The following PRKDC variants were observed in gnomAD, a reference collection of about 807,000 sequenced individuals.
The protein encoded by PRKDC is DNA-dependent protein kinase catalytic subunit.
Under a neutral mutation model 486.9 loss-of-function variants are expected in PRKDC, and 82 were observed. That is an observed-to-expected ratio of 0.17 (90% CI 0.14 to 0.20). PRKDC has a LOEUF of 0.20. PRKDC is among the 10% of genes least tolerant of loss of function. The probability of loss-of-function intolerance (pLI) is 1.00; values close to 1 mark genes in which losing one functional copy is unlikely to be tolerated. For missense variants in PRKDC, 4,504 were observed against 5,038.2 expected (o/e 0.89, Z 3.21); for synonymous variants, 1,895 against 1,837.0 (o/e 1.03, Z -0.81).
chr8:47,944,353 A>G (rs1589811210), intron 7 of PRKDC, among the ~76,000 whole-genome samples: 1 of 152,164 alleles, frequency 6.6e-6, no homozygotes, highest in African/African-American at 2.4e-5. Context: ...TCTTATTTGC[A>G]ATAGGGACCG....
Position 47,776,930 on chromosome 8 carries a change from A to T in PRKDC, c.12096T>A (p.Asn4032Lys). Reference protein sequence around the residue: ...KKGGSWIQEINVAEKNWYPRQ... With the variant: ...KKGGSWIQEIKVAEKNWYPRQ... Reference sequence around the variant, plus strand: ...GGGGGTACCAATTTTTTTCAGCAACATTTATTTCTTGAATCCATGACCCTC... The same window carrying T: ...GGGGGTACCAATTTTTTTCAGCAACTTTTATTTCTTGAATCCATGACCCTC... Residue 4032 changes from asparagine to lysine, a missense_variant, in exon 85 of 86, where the codon AAT becomes AAA. Asn to Lys is a moderately conservative substitution (Grantham distance 94). Transcript: ENST00000314191. The T allele has an allele frequency of 6.2e-7, 1 of 1,613,624 alleles. No homozygotes were observed. The highest frequency in any genetic ancestry group is 8.5e-7 in the Non-Finnish European group (1 of 1,179,804).
At chr8:47,902,861 G>T in intron 26 of PRKDC, 66 bp from the exon 27 acceptor site, 2 of 1,253,940 alleles carry the variant, frequency 1.6e-6, no homozygotes, top group South Asian at 3.4e-5. Flanking sequence ...GAATACCCTT[G>T]GTCTATCTCT....
intron 25 of PRKDC, among the ~76,000 whole-genome samples, chr8:47,911,792 A>T (rs2089908678): frequency 6.6e-6 from 1 of 151,430 alleles, no homozygotes; most frequent in African/African-American, 2.4e-5. Context: ...TTTTTTGAGA[A>T]TGAGTCTCAC....
At position 47,779,075 on chromosome 8, in the gene PRKDC, C is replaced by T. The variant is rs375417206; in HGVS notation, c.11508G>A (p.Pro3836=). The change falls in exon 81 of 86, where the codon CCG becomes CCA. Residue 3836 remains proline, a synonymous_variant. Transcript: ENST00000314191. Reference sequence around the variant, plus strand: ...TTGTCAGCCAATCTTTATATTCACACGGCGGTGCCCTGGGATCACTAATGA... The same window carrying T: ...TTGTCAGCCAATCTTTATATTCACATGGCGGTGCCCTGGGATCACTAATGA... ...AAYLSDPRAP[P]CEYKDWLTKM... is the part of the protein sequence containing the mutation. 79 of 1,596,236 alleles carry T rather than the reference C, an allele frequency of 4.9e-5. No homozygotes were observed. Among genetic ancestry groups the T allele is most frequent in the South Asian group, 6.8e-5 (6 of 87,758 alleles).
At chr8:47,895,491 A>G (rs2089557815) in intron 30 of PRKDC, among the ~76,000 whole-genome samples, 1 of 152,212 alleles carries the variant, frequency 6.6e-6, no homozygotes, top group African/African-American at 2.4e-5. Flanking sequence ...TGAGATCAGT[A>G]CAGCTGAGGT....
At chr8:47,802,431 C>T (rs2087126888) in intron 70 of PRKDC, among the ~76,000 whole-genome samples, 1 of 151,098 alleles carries the variant, frequency 6.6e-6, no homozygotes, top group African/African-American at 2.4e-5. Context: ...AGAAAGCTTT[C>T]TTCCTTTAAT....
Position 47,773,223 on chromosome 8 carries a change from A to G in PRKDC, c.*950T>C. Reference sequence around the variant, plus strand: ...AAAAAACAACAAAAAGCTAAAAGCCAATCAGAAACAGTTTGGGTGTGGAGG... The same window carrying G: ...AAAAAACAACAAAAAGCTAAAAGCCGATCAGAAACAGTTTGGGTGTGGAGG... On this transcript the variant is annotated 3_prime_UTR_variant, in exon 86 of 86. Transcript: ENST00000314191. The G allele has an allele frequency of 4.5e-6, 1 of 224,590 alleles. No individual in the cohort carries two copies. The highest frequency in any genetic ancestry group is 6.5e-5 in the East Asian group (1 of 15,324). 13.9% of individuals were successfully genotyped at this position (224,590 alleles called of 1,614,324 possible).
chr8:47,938,169 G>A (rs997711499), intron 11 of PRKDC, among the ~76,000 whole-genome samples: 11 of 152,048 alleles, frequency 7.2e-5, no homozygotes, highest in Non-Finnish European at 1.5e-4. Context: ...CACTTTGGGA[G>A]GCCAAGGTGG....
At chr8:47,850,304 C>T (rs1345610953) in intron 52 of PRKDC, among the ~76,000 whole-genome samples, 1 of 152,228 alleles carries the variant, frequency 6.6e-6, no homozygotes, top group Non-Finnish European at 1.5e-5. Flanking sequence ...AAACTCAACA[C>T]AGACTGAGCG....
intron 54 of PRKDC, among the ~76,000 whole-genome samples, chr8:47,840,981 T>C (rs1449489725): frequency 2.6e-5 from 4 of 152,142 alleles, no homozygotes; most frequent in African/African-American, 7.2e-5. Flanking sequence ...GCACTGAGCA[T>C]CAATAGAGAG....
At chr8:47,911,612 T>C (rs994999662) in intron 25 of PRKDC, among the ~76,000 whole-genome samples, 3 of 152,244 alleles carry the variant, frequency 2.0e-5, no homozygotes, top group African/African-American at 4.8e-5. Context: ...CATTTCATTT[T>C]CTTTTTTAAG....
rs1166280803 is a variant in PRKDC at position 47,943,309 on chromosome 8, T to C, written c.866A>G (p.Asn289Ser). 14 of 1,612,246 alleles carry C rather than the reference T, an allele frequency of 8.7e-6. No homozygotes were observed. The highest frequency in any genetic ancestry group is 1.1e-5 in the South Asian group (1 of 90,640). ...CAAGACTTCAAATAGAGACACGTAGTTGTCCAGAAGGCAGGTGCTAAACTG... is the reference window on the plus strand; with the variant it reads ...CAAGACTTCAAATAGAGACACGTAGCTGTCCAGAAGGCAGGTGCTAAACTG... The part of the protein sequence containing the change: ...ASQFSTCLLD[N>S]YVSLFEVLLK... Residue 289 changes from asparagine (N) to serine (S), a missense_variant, in exon 10 of 86, where the codon AAC (asparagine) becomes AGC (serine). Asn to Ser is a conservative substitution (Grantham distance 46). This residue lies in a region of PRKDC where 1,969 missense variants were observed against 2,068.9 expected (regional missense o/e 0.95). Coordinates refer to ENST00000314191, the MANE Select transcript of PRKDC (RefSeq NM_006904.7).
chr8:47,939,762 G>A (rs2090411856), intron 10 of PRKDC, 65 bp from the exon 11 acceptor site: 8 of 1,319,132 alleles, frequency 6.1e-6, no homozygotes, highest in Admixed American at 2.6e-5. Flanking sequence ...TACAAACATG[G>A]AAAAACTAGA....
At chr8:47,887,808 G>A (rs1300979923) in intron 34 of PRKDC, 103 bp from the exon 35 acceptor site, 2 of 1,187,058 alleles carry the variant, frequency 1.7e-6, no homozygotes, top group Non-Finnish European at 1.2e-6. Context: ...AGATAGCACT[G>A]ACAACTACCT....
chr8:47,889,463 G>A (rs1317996008), intron 32 of PRKDC, among the ~76,000 whole-genome samples: 2 of 152,220 alleles, frequency 1.3e-5, no homozygotes, highest in Non-Finnish European at 1.5e-5. Context: ...GCACAGCCAT[G>A]CTCCTATTTA....
intron 74 of PRKDC, among the ~76,000 whole-genome samples, chr8:47,793,683 TAAA>T (rs397892514): frequency 8.2e-5 from 6 of 72,806 alleles, no homozygotes; most frequent in Non-Finnish European, 1.2e-4. Flanking sequence ...TTAAAAAAAC[TAAA>T]AAAAAAAAAA....
intron 72 of PRKDC, 25 bp downstream of exon 72, chr8:47,799,185 A>G (rs1214034415): frequency 6.2e-7 from 1 of 1,613,116 alleles, no homozygotes; most frequent in Non-Finnish European, 8.5e-7. Flanking sequence ...ATAATGGAAC[A>G]CTAGCTTTTT....
chr8:47,774,062 G>A lies in PRKDC; in HGVS notation c.*111C>T, dbSNP rs1304100862. 9.0e-7 allele frequency: 1 copy of A among 1,116,320 alleles called. No homozygotes were observed. The highest frequency in any genetic ancestry group is 1.2e-6 in the Non-Finnish European group (1 of 803,310). 69.2% of individuals were successfully genotyped at this position (1,116,320 alleles called of 1,614,324 possible). A position where few individuals can be genotyped will look rare whatever the true frequency, so the allele number is the denominator to read the frequency against. ...CATGCTACGAAACTGTAGCACAAAA[G>A]ACATTTCTCTTTAGTGTTTCAGGAA... is the stretch of plus-strand genomic sequence containing the variant. On this transcript the variant is annotated 3_prime_UTR_variant, in exon 86 of 86. Coordinates refer to ENST00000314191, the MANE Select transcript of PRKDC (RefSeq NM_006904.7).
intron 22 of PRKDC, 38 bp from the exon 23 acceptor site, chr8:47,915,456 T>C (rs774510084): frequency 6.6e-6 from 8 of 1,215,512 alleles, no homozygotes; most frequent in Non-Finnish European, 4.6e-6. Context: ...TGATTACAAA[T>C]GGGTTAAAGA....
Sources: allele counts gnomAD v4.1 joint callset (sites outside exome capture counted in the v4.1 genomes callset), GRCh38; gene constraint gnomAD v4.1.1; regional missense constraint gnomAD v4.1.1; transcripts MANE v1.5; gene names NCBI Gene and HGNC (gene_info 2026-07-23, HGNC 2026-07-21).